Variants in SLC24A2 observed in about 807,000 individuals in gnomAD.
The protein encoded by SLC24A2 is solute carrier family 24 member 2.
SLC24A2 carries 36 observed loss-of-function variants against 62.0 expected under a neutral mutation model. That is an observed-to-expected ratio of 0.58 (90% confidence interval 0.44 to 0.77). The LOEUF is 0.77. Among genes scored for constraint, SLC24A2 ranks in the 30% least tolerant of loss-of-function variants. The pLI is 0.00. For synonymous variants in SLC24A2, 358 were observed against 294.0 expected (o/e 1.22, Z -2.23); for missense variants, 846 against 817.9 (o/e 1.03, Z -0.42).
chr9:20,159,688 C>T, the SLC24A2 span, among the ~76,000 whole-genome samples: 2 of 151,452 alleles, frequency 1.3e-5, no homozygotes, highest in African/African-American at 4.8e-5. Context: ...CAGCAAATAA[C>T]ATTCATTTAA....
At chr9:20,199,997 C>G in the SLC24A2 span, among the ~76,000 whole-genome samples, 1 of 151,232 alleles carries the variant, frequency 6.6e-6, no homozygotes, top group South Asian at 2.1e-4. Flanking sequence ...TCCCAAAGTG[C>G]TGGGACTACA....
intron 7 of SLC24A2, among the ~76,000 whole-genome samples, chr9:19,556,797 C>G (rs1835111753): frequency 6.6e-6 from 1 of 152,192 alleles, no homozygotes; most frequent in Admixed American, 6.5e-5. Flanking sequence ...TCACTGCCTT[C>G]TAGGCCCCAC....
intron 2 of SLC24A2, among the ~76,000 whole-genome samples, chr9:19,644,294 G>C (rs912554710): frequency 3.9e-5 from 6 of 152,218 alleles, no homozygotes; most frequent in African/African-American, 1.4e-4. Context: ...AATGCAGGTA[G>C]AAGACTGGCT....
At chr9:20,098,828 G>C in the SLC24A2 span, among the ~76,000 whole-genome samples, 1,524 of 152,324 alleles carry the variant, frequency 0.01, 35 homozygotes, top group African/African-American at 0.035. Context: ...ATCTCTCACA[G>C]TTTCTTTACT....
intron 2 of SLC24A2, among the ~76,000 whole-genome samples, chr9:19,636,420 C>T (rs924368265): frequency 0.04 from 489 of 12,226 alleles, 43 homozygotes; most frequent in East Asian, 0.049. Flanking sequence ...TCTTTCTTTC[C>T]TCTTCTCTTC....
In SLC24A2 at chr9:19,786,740, A is replaced by T; in HGVS notation, c.127T>A (p.Phe43Ile). The stretch of plus-strand genomic sequence containing the variant: ...GTGCTAATGGCTACCAGACCCATGA[A>T]AAGGCCTAAGACTCGAATTAACTTC... ...KLKLIRVLGL[F>I]MGLVAISTVS... Residue 43 changes from phenylalanine (F) to isoleucine (I), a missense_variant, in exon 2 of 11, where the codon TTC becomes ATC. By Grantham distance (21) the Phe-to-Ile change is conservative (BLOSUM62 0). Coordinates refer to ENST00000341998, the MANE Select transcript of SLC24A2 (RefSeq NM_020344.4). This position sits in a 1 kb window ranked among gnomAD's most constrained non-coding sequence, Gnocchi z 5.0. 4 of 1,604,476 alleles carry T rather than the reference A, an allele frequency of 2.5e-6. No homozygotes were observed. The South Asian group carries it at 4.5e-5, about 18-fold the overall frequency.
chr9:19,550,806 T>A (rs1834807519), intron 7 of SLC24A2, among the ~76,000 whole-genome samples: 1 of 152,036 alleles, frequency 6.6e-6, no homozygotes, highest in Non-Finnish European at 1.5e-5. Flanking sequence ...CCCACTGGCC[T>A]TGGAATAGCT....
the SLC24A2 span, among the ~76,000 whole-genome samples, chr9:20,006,441 T>C: frequency 1.3e-5 from 2 of 151,990 alleles, no homozygotes; most frequent in African/African-American, 2.4e-5. Flanking sequence ...AAATAATTTA[T>C]TGTACATTTT....
rs116703694 is a variant in SLC24A2, at chr9:19,599,884, C to T, written c.1079-2605G>A. 0.015 allele frequency among the ~76,000 whole-genome samples: 2,287 copies of T among 152,258 alleles called. 61 individuals carry two copies. The highest frequency in any genetic ancestry group is 0.053 in the African/African-American group (2,188 of 41,536). On this transcript the variant is annotated intron_variant, in intron 4 of 10. Transcript: ENST00000341998. This position sits in a 1 kb window ranked among gnomAD's most constrained non-coding sequence, Gnocchi z 4.5. ...CTCACCGGCATAGGAATGTGGCTTGCAACCAGCACACTCTCCATAATGAAT... is the reference window on the plus strand; with the variant it reads ...CTCACCGGCATAGGAATGTGGCTTGTAACCAGCACACTCTCCATAATGAAT...
intron 4 of SLC24A2, among the ~76,000 whole-genome samples, chr9:19,613,622 C>G (rs1210453890): frequency 3.3e-5 from 5 of 152,056 alleles, no homozygotes; most frequent in Non-Finnish European, 5.9e-5. Context: ...TTTAAGTCTT[C>G]CTAAGTAGAA....
chr9:19,997,328 C>A, the SLC24A2 span, among the ~76,000 whole-genome samples: 1 of 152,124 alleles, frequency 6.6e-6, no homozygotes, highest in African/African-American at 2.4e-5. Flanking sequence ...TTCCAGTACC[C>A]ATTTAAGCTT....
chr9:20,179,398 G>A, the SLC24A2 span, among the ~76,000 whole-genome samples: 4 of 152,120 alleles, frequency 2.6e-5, no homozygotes, highest in South Asian at 2.1e-4. Flanking sequence ...CCTGGTGTAC[G>A]GACAGGTGGT....
the SLC24A2 span, among the ~76,000 whole-genome samples, chr9:20,027,126 C>T: frequency 2.6e-5 from 4 of 152,086 alleles, no homozygotes; most frequent in African/African-American, 9.7e-5. Flanking sequence ...GCTATTATCT[C>T]ATCCCAGTTA....
chr9:20,208,714 A>C, the SLC24A2 span, among the ~76,000 whole-genome samples: 1 of 152,212 alleles, frequency 6.6e-6, no homozygotes, highest in Admixed American at 6.5e-5. Context: ...GAACGAGTAG[A>C]TAGACCCCCA....
the SLC24A2 span, among the ~76,000 whole-genome samples, chr9:20,273,090 A>T: frequency 6.6e-6 from 1 of 152,156 alleles, no homozygotes; most frequent in African/African-American, 2.4e-5. Flanking sequence ...AACCAATACC[A>T]CACCCAACAG....
chr9:20,258,559 G>T, the SLC24A2 span, among the ~76,000 whole-genome samples: 3 of 152,154 alleles, frequency 2.0e-5, no homozygotes. Flanking sequence ...GTCCTCAGAC[G>T]TCAGCACTCT....
chr9:19,670,837 T>C (rs1819392868), intron 2 of SLC24A2, among the ~76,000 whole-genome samples: 2 of 152,188 alleles, frequency 1.3e-5, no homozygotes, highest in Admixed American at 6.5e-5. Context: ...GCTTTATCTG[T>C]GCTCGATGAA....
chr9:19,592,451 A>G (rs948920759), intron 5 of SLC24A2, among the ~76,000 whole-genome samples: 6 of 152,076 alleles, frequency 3.9e-5, no homozygotes, highest in Non-Finnish European at 8.8e-5. Context: ...GCTTCATTGC[A>G]AGATATTAGT....
At chr9:20,180,436 T>G in the SLC24A2 span, among the ~76,000 whole-genome samples, 3 of 152,182 alleles carry the variant, frequency 2.0e-5, no homozygotes, top group Non-Finnish European at 2.9e-5. Flanking sequence ...TCCAGTGATC[T>G]CCATTTAATT....
Sources: allele counts gnomAD v4.1 joint callset (sites outside exome capture counted in the v4.1 genomes callset), GRCh38; gene constraint gnomAD v4.1.1; non-coding constraint Gnocchi (gnomAD v3.1); transcripts MANE v1.5; gene names NCBI Gene and HGNC (gene_info 2026-07-23, HGNC 2026-07-21).